The following MAGI1 variants were observed in gnomAD, a reference collection of about 807,000 sequenced individuals.
MAGI1 encodes membrane-associated guanylate kinase, WW and PDZ domain-containing protein 1.
In MAGI1, 58 loss-of-function variants were observed where a neutral mutation model predicts 139.9. The observed-to-expected ratio is 0.41, with a 90% CI of 0.34 to 0.52. MAGI1 has a LOEUF of 0.52. Among genes scored for constraint, MAGI1 ranks in the 20% least tolerant of loss-of-function variants. MAGI1 has a pLI of 0.12. For synonymous variants in MAGI1, 812 were observed against 737.9 expected, an observed-to-expected ratio of 1.10 and a Z score of -1.63; for missense variants, 1,874 against 1,901.6, an observed-to-expected ratio of 0.99 and a Z score of 0.27.
chr3:65,550,190 C>T (rs2079753608), intron 2 of MAGI1, among the ~76,000 whole-genome samples: 1 of 152,184 alleles, frequency 6.6e-6, no homozygotes, highest in Non-Finnish European at 1.5e-5. Context: ...AAATCTGATG[C>T]ATCTCACCCT....
intron 1 of MAGI1, among the ~76,000 whole-genome samples, chr3:65,700,057 A>G (rs2089491634): frequency 6.6e-6 from 1 of 152,274 alleles, no homozygotes; most frequent in African/African-American, 2.4e-5. Flanking sequence ...GAGATTTTAG[A>G]AACTGATTTT....
intron 3 of MAGI1, among the ~76,000 whole-genome samples, chr3:65,480,255 G>A (rs756498124): frequency 1.3e-5 from 2 of 151,862 alleles, no homozygotes; most frequent in African/African-American, 2.4e-5. Context: ...CTTCTCAGCA[G>A]GGTACAGTGG....
chr3:65,882,918 G>C (rs1170191581), intron 1 of MAGI1, among the ~76,000 whole-genome samples: 11 of 135,116 alleles, frequency 8.1e-5, no homozygotes, highest in South Asian at 4.6e-4. Flanking sequence ...CTGGGCAACA[G>C]AGCAAGACCC....
chr3:65,657,207 G>A (rs2085928120), intron 1 of MAGI1, among the ~76,000 whole-genome samples: 1 of 152,030 alleles, frequency 6.6e-6, no homozygotes, highest in Non-Finnish European at 1.5e-5. Context: ...GGCAGGCTAA[G>A]TAAGTGTCTT....
rs150820967 is a variant in MAGI1 at position 65,544,825 on chromosome 3, G to A, written c.431-51194C>T. Among the ~76,000 whole-genome samples, 871 of 152,320 alleles carry A rather than the reference G, an allele frequency of 5.7e-3. 13 individuals are homozygous for A. Among genetic ancestry groups the A allele is most frequent in the African/African-American group, 0.02 (826 of 41,576 alleles). ...AGAAATATTCAGAGGCAGGTAGTATGATTAGGGTTATTTCTGAAAACAAAC... is the reference window on the plus strand; with the variant it reads ...AGAAATATTCAGAGGCAGGTAGTATAATTAGGGTTATTTCTGAAAACAAAC... On this transcript the variant is annotated intron_variant, in intron 2 of 22. Transcript: ENST00000402939.
At chr3:65,929,872 G>A (rs1450807331) in intron 1 of MAGI1, among the ~76,000 whole-genome samples, 2 of 152,096 alleles carry the variant, frequency 1.3e-5, no homozygotes, top group East Asian at 3.9e-4. Context: ...GAGAAATTCT[G>A]GGGTCTAATC....
At chr3:65,738,291 C>T (rs1003187399) in intron 1 of MAGI1, among the ~76,000 whole-genome samples, 4 of 152,214 alleles carry the variant, frequency 2.6e-5, no homozygotes, top group African/African-American at 9.6e-5. Flanking sequence ...CCTGCCTCAG[C>T]CTCCTGAGTT....
intron 3 of MAGI1, among the ~76,000 whole-genome samples, chr3:65,480,161 CAA>C (rs55886178): frequency 5.7e-5 from 8 of 140,500 alleles, no homozygotes; most frequent in Admixed American, 7.1e-5. Context: ...ACACAAGCAC[CAA>C]AAAAAAAAAA....
rs182801637 is a variant in MAGI1 at position 65,764,407 on chromosome 3, A to G, written c.314-142319T>C. Among the ~76,000 whole-genome samples the G allele has an allele frequency of 2.1e-3, 327 of 152,304 alleles. 2 individuals are homozygous for G. Among genetic ancestry groups the G allele is most frequent in the Admixed American group, 0.012 (188 of 15,292 alleles). The stretch of plus-strand genomic sequence containing the variant: ...ATTCAAAAAGGAAAGGAAAAGCTGG[A>G]TGTCTAGCTCTGACATTGCAAGGGT... On this transcript the variant is annotated intron_variant, in intron 1 of 22. Coordinates refer to ENST00000402939, the MANE Select transcript of MAGI1 (RefSeq NM_001033057.2).
chr3:65,527,444 G>C (rs1230961139), intron 2 of MAGI1, among the ~76,000 whole-genome samples: 1 of 152,136 alleles, frequency 6.6e-6, no homozygotes, highest in Non-Finnish European at 1.5e-5. Context: ...GCCAGGAGTT[G>C]GCCGGGCGTG....
At chr3:65,507,034 C>T (rs1304155243) in intron 2 of MAGI1, among the ~76,000 whole-genome samples, 1 of 152,068 alleles carries the variant, frequency 6.6e-6, no homozygotes, top group African/African-American at 2.4e-5. Flanking sequence ...ATGGCTACAT[C>T]AAAGTAAACA....
At chr3:65,967,907 G>A (rs1312361151) in intron 1 of MAGI1, among the ~76,000 whole-genome samples, 3 of 152,210 alleles carry the variant, frequency 2.0e-5, no homozygotes, top group Admixed American at 6.5e-5. Context: ...GGAGGCGTGA[G>A]TCTGCAGCGG....
intron 2 of MAGI1, among the ~76,000 whole-genome samples, chr3:65,515,177 G>A (rs2077803677): frequency 9.2e-6 from 1 of 108,776 alleles, no homozygotes; most frequent in Admixed American, 1.1e-4. Flanking sequence ...GGGGAGGGGG[G>A]AGGGATAGCA....
At chr3:65,776,633 A>G (rs1559871651) in intron 1 of MAGI1, among the ~76,000 whole-genome samples, 1 of 152,178 alleles carries the variant, frequency 6.6e-6, no homozygotes. Context: ...TACAATAATT[A>G]ATGCCAGCTT....
At chr3:65,651,711 C>T (rs1293030155) in intron 1 of MAGI1, among the ~76,000 whole-genome samples, 2 of 152,100 alleles carry the variant, frequency 1.3e-5, no homozygotes, top group African/African-American at 4.8e-5. Flanking sequence ...CAAGAAAACA[C>T]CACCAGATAT....
intron 2 of MAGI1, among the ~76,000 whole-genome samples, chr3:65,498,456 G>T (rs116767123): frequency 2.0e-5 from 3 of 151,834 alleles, no homozygotes; most frequent in Non-Finnish European, 2.9e-5. Context: ...AATATATAAC[G>T]CTGGGAAAAA....
intron 21 of MAGI1, among the ~76,000 whole-genome samples, chr3:65,363,008 G>A (rs1227163529): frequency 2.0e-5 from 3 of 152,154 alleles, no homozygotes; most frequent in African/African-American, 7.2e-5. Flanking sequence ...TAGACTTGCT[G>A]TCTCTGAGCC....
intron 1 of MAGI1, among the ~76,000 whole-genome samples, chr3:65,962,858 A>G (rs886113108): frequency 3.3e-5 from 5 of 150,742 alleles, no homozygotes; most frequent in Admixed American, 1.3e-4. Context: ...GAAGCAGAAG[A>G]AAAAGAAGAA....
intron 1 of MAGI1, among the ~76,000 whole-genome samples, chr3:65,934,637 C>T (rs1002286286): frequency 3.9e-5 from 6 of 151,910 alleles, no homozygotes; most frequent in African/African-American, 1.5e-4. Context: ...TTATATTGGG[C>T]CATTTAATGG....
Sources: gnomAD v4.1 joint callset for allele counts (sites outside exome capture counted in the v4.1 genomes callset) on GRCh38, gnomAD v4.1.1 for gene constraint, MANE v1.5 for transcripts, NCBI Gene and HGNC (gene_info 2026-07-23, HGNC 2026-07-21) for gene names.